CARHSP1: variants seen among roughly 807,000 people sequenced by gnomAD.
CARHSP1 encodes calcium-regulated heat-stable protein 1.
Under a neutral mutation model 12.5 loss-of-function variants are expected in CARHSP1, and 14 were observed. The ratio of observed to expected loss-of-function variants is 1.12; its 90% confidence interval spans 0.74 to 1.75. The LOEUF is 1.75. Ranked by LOEUF, CARHSP1 falls within the 40% of genes most tolerant of loss-of-function variation. The probability of loss-of-function intolerance (pLI) is 0.00; values close to 1 mark genes in which losing one functional copy is unlikely to be tolerated. For missense variants in CARHSP1, 343 were observed against 201.6 expected, an observed-to-expected ratio of 1.70 and a Z score of -4.25; for synonymous variants, 161 against 82.0, an observed-to-expected ratio of 1.96 and a Z score of -5.20.
rs2061051048 is a variant in CARHSP1 at position 8,855,017 on chromosome 16, C to CG, written c.*146_*147insC. 1.7e-6 allele frequency: 1 copy of CG among 605,760 alleles called. No homozygotes were observed. 37.5% of individuals were successfully genotyped at this position (605,760 alleles called of 1,614,324 possible). A position where few individuals can be genotyped will look rare whatever the true frequency, so the allele number is the denominator to read the frequency against. ...CACCCCACACCCCACACCTGCCCCC[C>CG]ATACCCCTTCCTCCAGGAGATACTT... On this transcript the variant is annotated 3_prime_UTR_variant, in exon 4 of 4. Coordinates refer to ENST00000311052, the MANE Select transcript of CARHSP1 (RefSeq NM_014316.4).
At chr16:8,865,550 T>A (rs903108674) in intron 1 of CARHSP1, among the ~76,000 whole-genome samples, 10 of 152,246 alleles carry the variant, frequency 6.6e-5, no homozygotes, top group African/African-American at 1.9e-4. Context: ...TGAGGGTGTC[T>A]TGAGCCTTCC....
rs181217980 is a variant in CARHSP1, at chr16:8,856,125, A to C, written c.282-799T>G. ...CGCCTGGACTCCCGGTGAGCCTTCA[A>C]GAAGGTCCCTTTGGTGCATGAAGCT... is the stretch of plus-strand genomic sequence containing the variant. On this transcript the variant is annotated intron_variant, in intron 3 of 3. Coordinates refer to ENST00000311052, the MANE Select transcript of CARHSP1 (RefSeq NM_014316.4). 9.2e-5 allele frequency among the ~76,000 whole-genome samples: 14 copies of C among 152,306 alleles called. No individual in the cohort carries two copies. In the East Asian group the frequency reaches 2.7e-3, roughly 29 times the overall value.
chr16:8,856,407 T>C (rs991174997), intron 3 of CARHSP1, among the ~76,000 whole-genome samples: 1 of 152,186 alleles, frequency 6.6e-6, no homozygotes, highest in Admixed American at 6.5e-5. Flanking sequence ...CAGAAATAAA[T>C]CTGCAGCCTA....
chr16:8,865,065 G>A (rs1480450842), intron 1 of CARHSP1, among the ~76,000 whole-genome samples: 6 of 152,222 alleles, frequency 3.9e-5, no homozygotes, highest in Non-Finnish European at 7.3e-5. Flanking sequence ...AGTGCTATCA[G>A]CCATTTACAC....
intron 1 of CARHSP1, among the ~76,000 whole-genome samples, 188 bp from the exon 2 acceptor site, chr16:8,859,523 C>T (rs377024657): frequency 2.0e-4 from 31 of 151,840 alleles, no homozygotes; most frequent in Non-Finnish European, 2.9e-4. Flanking sequence ...CTGAAGCAAC[C>T]GTGGGGCCCC....
chr16:8,858,309 G>A (rs371490297), intron 3 of CARHSP1, 41 bp downstream of exon 3: 45 of 1,602,576 alleles, frequency 2.8e-5, no homozygotes, highest in Middle Eastern at 1.8e-4. Flanking sequence ...CCAAGGAAGC[G>A]CCCACCCCAG....
chr16:8,859,068 C>T, intron 2 of CARHSP1, 103 bp downstream of exon 2: 1 of 1,130,722 alleles, frequency 8.8e-7, no homozygotes, highest in South Asian at 1.8e-5. Context: ...GCCTATTTGG[C>T]AGTCCGGGAC....
At chr16:8,859,690 G>A (rs76457987) in intron 1 of CARHSP1, 3 of 175,804 alleles carry the variant, frequency 1.7e-5, no homozygotes, top group Non-Finnish European at 3.6e-5. Flanking sequence ...AAAACCCAAA[G>A]CCAGGGGCCG....
intron 2 of CARHSP1, 108 bp from the exon 3 acceptor site, chr16:8,858,580 G>A (rs147373925): frequency 4.2e-5 from 57 of 1,344,920 alleles, no homozygotes; most frequent in Middle Eastern, 2.6e-4. Context: ...GGCCAGGACC[G>A]CCATGTACAG....
At chr16:8,860,091 G>T in intron 1 of CARHSP1, 4 of 974,484 alleles carry the variant, frequency 4.1e-6, no homozygotes, top group Non-Finnish European at 3.7e-6. Context: ...AGGGAAGCAG[G>T]GGCAAAAACT....
intron 1 of CARHSP1, among the ~76,000 whole-genome samples, chr16:8,864,035 C>A (rs920882239): frequency 6.6e-6 from 1 of 152,164 alleles, no homozygotes; most frequent in Non-Finnish European, 1.5e-5. Flanking sequence ...CAAACAGATC[C>A]GCCACTCAGA....
chr16:8,865,446 G>A (rs543499481), intron 1 of CARHSP1, among the ~76,000 whole-genome samples: 12 of 152,290 alleles, frequency 7.9e-5, no homozygotes, highest in African/African-American at 2.9e-4. Context: ...CCCCTTTATT[G>A]AAGACAGGAT....
chr16:8,865,620 G>A (rs982081065), intron 1 of CARHSP1, among the ~76,000 whole-genome samples: 2 of 152,224 alleles, frequency 1.3e-5, no homozygotes, highest in Non-Finnish European at 1.5e-5. Context: ...CTTCCAGCCC[G>A]GAGCCAGCCC....
At chr16:8,860,494 G>C (rs1203831773) in intron 1 of CARHSP1, 25 of 985,436 alleles carry the variant, frequency 2.5e-5, no homozygotes, top group Non-Finnish European at 3.0e-5. Flanking sequence ...TCAGCTCGAG[G>C]TTCAGGGGAA....
At chr16:8,865,051 T>C (rs254950) in intron 1 of CARHSP1, among the ~76,000 whole-genome samples, 27,713 of 152,226 alleles carry the variant, frequency 0.18, 3,227 homozygotes, top group African/African-American at 0.3. Flanking sequence ...AGGAGGGCTT[T>C]AGCAGTGCTA....
rs1259506709 is a variant in CARHSP1 at position 8,858,395 on chromosome 16, A to C, written c.236T>G (p.Ile79Ser). 4 of 1,613,978 alleles carry C rather than the reference A, an allele frequency of 2.5e-6. No individual in the cohort carries two copies. The highest frequency in any genetic ancestry group is 3.4e-6 in the Non-Finnish European group (4 of 1,180,038). The change falls in exon 3 of 4, where the codon ATT becomes AGT. Residue 79 changes from isoleucine (I) to serine (S), a missense_variant. Transcript: ENST00000311052. The stretch of plus-strand genomic sequence containing the variant: ...GTCGGGGCCGCCATCAGCTGGAGTA[A>C]TGAAGCCATGGCCCTTGGACCGGCA... Reference protein sequence around the residue: ...CFCRSKGHGFITPADGGPDIF... With the variant: ...CFCRSKGHGFSTPADGGPDIF...
At chr16:8,861,919 G>A in intron 1 of CARHSP1, 1 of 615,410 alleles carries the variant, frequency 1.6e-6, no homozygotes, top group East Asian at 8.8e-5. Context: ...TCCACAGTTA[G>A]AGACACTGCC....
chr16:8,856,015 G>A (rs1041225167), intron 3 of CARHSP1, among the ~76,000 whole-genome samples: 3 of 152,126 alleles, frequency 2.0e-5, no homozygotes, highest in Non-Finnish European at 4.4e-5. Flanking sequence ...CACCATGTTA[G>A]CCAGGCTGGT....
chr16:8,855,024 C>A lies in CARHSP1; in HGVS notation c.*140G>T. ...CACCCCACACCTGCCCCCCATACCC[C>A]TTCCTCCAGGAGATACTTGAGAGGG... On this transcript the variant is annotated 3_prime_UTR_variant, in exon 4 of 4. Coordinates refer to ENST00000311052, the MANE Select transcript of CARHSP1 (RefSeq NM_014316.4). The A allele has an allele frequency of 1.5e-6, 1 of 687,438 alleles. No homozygotes were observed. The highest frequency in any genetic ancestry group is 2.2e-6 in the Non-Finnish European group (1 of 452,530). The allele number at this position is 687,438 out of a possible 1,614,324, so 42.6% of individuals were successfully genotyped here. A position where few individuals can be genotyped will look rare whatever the true frequency, so the allele number is the denominator to read the frequency against.
Sources: allele counts gnomAD v4.1 joint callset (sites outside exome capture counted in the v4.1 genomes callset), GRCh38; gene constraint gnomAD v4.1.1; transcripts MANE v1.5; gene names NCBI Gene and HGNC (gene_info 2026-07-23, HGNC 2026-07-21).